TMEM39A: variants seen among roughly 807,000 people sequenced by gnomAD.
The protein encoded by TMEM39A is suppressor of SQST-1 aggregates in rpl-43 mutants.
Under a neutral mutation model 51.9 loss-of-function variants are expected in TMEM39A, and 19 were observed. The ratio of observed to expected loss-of-function variants is 0.37; its 90% CI spans 0.26 to 0.54. The LOEUF (loss-of-function observed/expected upper bound fraction) is 0.54. Among genes scored for constraint, TMEM39A ranks in the 20% least tolerant of loss-of-function variants. TMEM39A has a pLI of 0.88. For synonymous variants in TMEM39A, 197 were observed against 220.2 expected, an observed-to-expected ratio of 0.89 and a Z score of 0.93; for missense variants, 433 against 590.5, an observed-to-expected ratio of 0.73 and a Z score of 2.76.
rs76926877 is a variant in TMEM39A, at chr3:119,440,279, T to A, written c.576-2176A>T. Among the ~76,000 whole-genome samples the A allele has an allele frequency of 4.9e-4, 75 of 152,232 alleles. 4 individuals carry two copies. In the East Asian group the frequency reaches 0.013, roughly 26 times the overall value. Reference sequence around the variant, plus strand: ...CTGCCACATAACTGCATGGCCCTCATTCTATGGGTGAGGCGACCTGCCCTA... The same window carrying A: ...CTGCCACATAACTGCATGGCCCTCAATCTATGGGTGAGGCGACCTGCCCTA... On this transcript the variant is annotated intron_variant, in intron 5 of 8. Transcript: ENST00000319172.
At chr3:119,434,614 A>C in intron 8 of TMEM39A, 148 bp downstream of exon 8, 1 of 1,197,716 alleles carries the variant, frequency 8.3e-7, no homozygotes, top group Admixed American at 2.3e-5. Flanking sequence ...TTTCCAAAGT[A>C]CAGGGACCAC....
intron 3 of TMEM39A, among the ~76,000 whole-genome samples, chr3:119,455,544 C>T (rs1436025435): frequency 6.6e-6 from 1 of 152,154 alleles, no homozygotes; most frequent in Non-Finnish European, 1.5e-5. Flanking sequence ...CAACCACAGG[C>T]ATCATATAAA....
At chr3:119,440,485 A>G (rs904820545) in intron 5 of TMEM39A, among the ~76,000 whole-genome samples, 3 of 147,564 alleles carry the variant, frequency 2.0e-5, no homozygotes, top group African/African-American at 7.3e-5. Flanking sequence ...GAAGGTTGAT[A>G]ATGCAATAGT....
intron 8 of TMEM39A, among the ~76,000 whole-genome samples, chr3:119,434,474 G>C (rs901167900): frequency 1.3e-5 from 2 of 152,058 alleles, no homozygotes; most frequent in African/African-American, 4.8e-5. Flanking sequence ...TGAAAAAGGA[G>C]TCTTAGATAA....
intron 2 of TMEM39A, among the ~76,000 whole-genome samples, chr3:119,459,604 A>G (rs1006814694): frequency 2.0e-5 from 3 of 152,238 alleles, no homozygotes; most frequent in Non-Finnish European, 4.4e-5. Flanking sequence ...AAAGGATAAT[A>G]CTTTAAATAC....
chr3:119,434,939 C>G lies in TMEM39A; in HGVS notation c.1113-57G>C. ...TTGGCAATTACAGATAAGATAGCAT[C>G]TGGCAAGGCCAGCTGTATTTTTATG... On this transcript the variant is annotated intron_variant, in intron 7 of 8. Transcript: ENST00000319172. The G allele has an allele frequency of 2.5e-6, 4 of 1,578,984 alleles. No individual in the cohort carries two copies. In the South Asian group the frequency reaches 4.5e-5, roughly 18 times the overall value.
chr3:119,438,527 G>A (rs920789701), intron 5 of TMEM39A, among the ~76,000 whole-genome samples: 2 of 152,006 alleles, frequency 1.3e-5, no homozygotes, highest in Non-Finnish European at 1.5e-5. Context: ...TGTGTATATT[G>A]AGTATTTTCC....
intron 3 of TMEM39A, among the ~76,000 whole-genome samples, chr3:119,455,152 T>C (rs757553790): frequency 2.0e-4 from 31 of 152,166 alleles, no homozygotes; most frequent in Non-Finnish European, 4.3e-4. Context: ...GAAGAAAACT[T>C]AAAAGACAGA....
chr3:119,457,978 G>C (rs1238540683), intron 3 of TMEM39A, 40 bp downstream of exon 3: 1 of 1,472,686 alleles, frequency 6.8e-7, no homozygotes. Context: ...AGTTTCTTGG[G>C]TAAGTAACAT....
chr3:119,446,858 A>C (rs2081132198), intron 5 of TMEM39A, 160 bp downstream of exon 5: 1 of 875,028 alleles, frequency 1.1e-6, no homozygotes, highest in African/African-American at 1.7e-5. Context: ...TCCAGTTTAG[A>C]AAACAAATTA....
chr3:119,444,690 T>C (rs895962887), intron 5 of TMEM39A, among the ~76,000 whole-genome samples: 3 of 152,324 alleles, frequency 2.0e-5, no homozygotes, highest in Middle Eastern at 3.4e-3. Flanking sequence ...CTTGAGGGCT[T>C]GTTAAAACAC....
chr3:119,447,278 C>T, intron 4 of TMEM39A, 106 bp from the exon 5 acceptor site: 16 of 1,173,488 alleles, frequency 1.4e-5, no homozygotes, highest in Non-Finnish European at 1.9e-5. Flanking sequence ...TAAAATGTGT[C>T]TTTAAAAAGT....
rs563710223 is a variant in TMEM39A at position 119,463,384 on chromosome 3, C to A, written c.-123G>T. The A allele has an allele frequency of 4.1e-5, 16 of 390,728 alleles. No homozygotes were observed. The highest frequency in any genetic ancestry group is 2.7e-4 in the African/African-American group (13 of 48,528). 24.2% of individuals were successfully genotyped at this position (390,728 alleles called of 1,614,324 possible). ...GGGCGGGGTCCCTAGAAAGCGGCGA[C>A]AACTTTACAGACTGGACCCCAGGTA... On this transcript the variant is annotated 5_prime_UTR_variant, in exon 1 of 9. Coordinates refer to ENST00000319172, the MANE Select transcript of TMEM39A (RefSeq NM_018266.3).
At chr3:119,461,673 AT>A (rs1029290858) in intron 2 of TMEM39A, among the ~76,000 whole-genome samples, 6 of 152,204 alleles carry the variant, frequency 3.9e-5, no homozygotes, top group African/African-American at 1.4e-4. Context: ...CTTACCTTGT[AT>A]TTTCATTCAC....
intron 5 of TMEM39A, among the ~76,000 whole-genome samples, chr3:119,442,940 C>G (rs544654929): frequency 3.9e-5 from 6 of 151,906 alleles, no homozygotes; most frequent in African/African-American, 1.5e-4. Context: ...GTGGCACACA[C>G]CTGTAGTCCC....
At position 119,437,867 on chromosome 3, in the gene TMEM39A, C is replaced by A. The variant is rs1407449734; in HGVS notation, c.812G>T (p.Arg271Leu). ...TGCTTTCAGACATTCTACTTCATTGCGAATGAGGTCTGGAGATAGGGGACA... is the reference window on the plus strand; with the variant it reads ...TGCTTTCAGACATTCTACTTCATTGAGAATGAGGTCTGGAGATAGGGGACA... ...HSCPLSPDLIRNEVECLKADF... is the reference protein window; with the variant it reads ...HSCPLSPDLILNEVECLKADF... The change falls in exon 6 of 9, where the codon CGC becomes CTC. Residue 271 changes from arginine to leucine, a missense_variant. Arg to Leu is a moderately radical substitution (Grantham distance 102). Transcript: ENST00000319172. The A allele has an allele frequency of 6.2e-7, 1 of 1,612,394 alleles. No homozygotes were observed. The highest frequency in any genetic ancestry group is 8.5e-7 in the Non-Finnish European group (1 of 1,178,530).
intron 7 of TMEM39A, chr3:119,435,309 T>C (rs1577047174): frequency 3.0e-6 from 3 of 985,372 alleles, no homozygotes; most frequent in South Asian, 4.7e-5. Flanking sequence ...ATTGTCAATC[T>C]AGCATGACAT....
intron 8 of TMEM39A, among the ~76,000 whole-genome samples, chr3:119,433,500 C>T (rs1052668953): frequency 2.6e-5 from 4 of 152,158 alleles, no homozygotes; most frequent in Non-Finnish European, 5.9e-5. Context: ...AATAAATCAA[C>T]TTGCCTAATC....
chr3:119,433,510 C>A (rs775079989), intron 8 of TMEM39A, among the ~76,000 whole-genome samples: 2 of 152,092 alleles, frequency 1.3e-5, no homozygotes, highest in African/African-American at 2.4e-5. Flanking sequence ...CTTGCCTAAT[C>A]TTTTTTCCAT....
Sources: gnomAD v4.1 joint callset for allele counts (sites outside exome capture counted in the v4.1 genomes callset) on GRCh38, gnomAD v4.1.1 for gene constraint, MANE v1.5 for transcripts, NCBI Gene and HGNC (gene_info 2026-07-23, HGNC 2026-07-21) for gene names.